FGF13: variants seen among roughly 807,000 people sequenced by gnomAD.
FGF13 encodes fibroblast growth factor homologous factor 2.
In FGF13, 2 loss-of-function variants were observed where a neutral mutation model predicts 19.5. The ratio of observed to expected loss-of-function variants is 0.10; its 90% confidence interval spans 0.04 to 0.32. The LOEUF (loss-of-function observed/expected upper bound fraction) is 0.32. Ranked by LOEUF, FGF13 falls within the 10% of genes least tolerant of loss-of-function variation. The pLI is 1.00. For synonymous variants in FGF13, 72 were observed against 76.9 expected (o/e 0.94, Z 0.33); for missense variants, 113 against 192.7 (o/e 0.59, Z 2.45).
At chrX:138,819,882 T>C (rs147986600) in intron 3 of FGF13, among the ~76,000 whole-genome samples, 65 of 111,874 alleles carry the variant, frequency 5.8e-4, no homozygotes, top group African/African-American at 2.1e-3. Context: ...TGGAATATTG[T>C]GATTTGCACT....
chrX:138,640,485 G>A (rs765271610), intron 3 of FGF13, among the ~76,000 whole-genome samples: 2 of 112,094 alleles, frequency 1.8e-5, no homozygotes, highest in Admixed American at 1.9e-4. Context: ...CCCTGGCACC[G>A]AGGGCAAAGT....
chrX:138,723,973 C>T (rs1268459016), intron 1 of FGF13, among the ~76,000 whole-genome samples: 1 of 111,299 alleles, frequency 9.0e-6, no homozygotes, highest in African/African-American at 3.3e-5. Context: ...AATTAAGGCC[C>T]AGAGAAGTTG....
upstream of FGF13, among the ~76,000 whole-genome samples, chrX:139,204,764 C>G: frequency 8.8e-6 from 1 of 113,112 alleles, no homozygotes; most frequent in Non-Finnish European, 1.9e-5. Flanking sequence ...CCTGTTACAC[C>G]GCAGAGTCGC....
At chrX:138,686,535 T>G (rs978417393) in intron 3 of FGF13, among the ~76,000 whole-genome samples, 7 of 111,892 alleles carry the variant, frequency 6.3e-5, no homozygotes, top group African/African-American at 1.9e-4. Context: ...TATTAATACA[T>G]GTTATTTATT....
intron 1 of FGF13, among the ~76,000 whole-genome samples, chrX:139,171,491 C>T (rs749406143): frequency 5.9e-4 from 66 of 111,633 alleles, no homozygotes; most frequent in Non-Finnish European, 1.0e-3. Context: ...ACTGTATGCT[C>T]TTAGGCTATA....
At chrX:139,036,688 A>C (rs922914647) in intron 1 of FGF13, among the ~76,000 whole-genome samples, 4 of 111,311 alleles carry the variant, frequency 3.6e-5, no homozygotes, top group African/African-American at 1.3e-4. Flanking sequence ...GGCAATTTAC[A>C]AAAGAAAGAA....
chrX:138,793,310 C>T (rs780946203), intron 3 of FGF13, among the ~76,000 whole-genome samples: 5 of 111,988 alleles, frequency 4.5e-5, no homozygotes, highest in East Asian at 2.8e-4. Flanking sequence ...GAAACTACTA[C>T]GTGCTCTGAG....
At chrX:138,905,598 T>C (rs1370622071) in intron 1 of FGF13, among the ~76,000 whole-genome samples, 4 of 112,074 alleles carry the variant, frequency 3.6e-5, no homozygotes, top group African/African-American at 1.3e-4. Context: ...GATTTTGTGG[T>C]CTGATGTATT....
chrX:138,969,954 G>C (rs1032335289), intron 1 of FGF13, among the ~76,000 whole-genome samples: 12 of 111,871 alleles, frequency 1.1e-4, no homozygotes, highest in Non-Finnish European at 2.1e-4. Flanking sequence ...AAGCTATAGA[G>C]AATTGAGTGT....
At chrX:139,112,580 G>T (rs1004977222) in intron 1 of FGF13, among the ~76,000 whole-genome samples, 1 of 111,709 alleles carries the variant, frequency 9.0e-6, no homozygotes, top group Non-Finnish European at 1.9e-5. Flanking sequence ...CAAGACCTTA[G>T]GCCCTGGATC....
At chrX:138,837,071 A>T (rs2091117990) in intron 3 of FGF13, among the ~76,000 whole-genome samples, 1 of 111,648 alleles carries the variant, frequency 9.0e-6, no homozygotes, top group Non-Finnish European at 1.9e-5. Flanking sequence ...GGAGGTATGG[A>T]CCTGTTGCCA....
intron 1 of FGF13, among the ~76,000 whole-genome samples, chrX:139,103,371 G>C (rs1417651283): frequency 1.8e-5 from 2 of 112,296 alleles, no homozygotes; most frequent in Non-Finnish European, 3.8e-5. Flanking sequence ...ACTGATACGT[G>C]CTACATGTGA....
chrX:139,049,925 C>T (rs1191797630), intron 1 of FGF13, among the ~76,000 whole-genome samples: 1 of 112,429 alleles, frequency 8.9e-6, no homozygotes, highest in Non-Finnish European at 1.9e-5. Flanking sequence ...AGTCAATTAA[C>T]ATCTTCTTCC....
chrX:138,980,404 A>G (rs2091958575), intron 1 of FGF13, among the ~76,000 whole-genome samples: 1 of 112,040 alleles, frequency 8.9e-6, no homozygotes, highest in Non-Finnish European at 1.9e-5. Context: ...CAAAAAGAAT[A>G]TACTACTTCA....
intron 1 of FGF13, among the ~76,000 whole-genome samples, chrX:139,172,832 T>G (rs1256731506): frequency 8.9e-6 from 1 of 111,760 alleles, no homozygotes; most frequent in Non-Finnish European, 1.9e-5. Flanking sequence ...ATGATGCTTT[T>G]TATATCCTGA....
At chrX:138,867,035 G>A (rs1218083123) in intron 1 of FGF13, among the ~76,000 whole-genome samples, 1 of 111,451 alleles carries the variant, frequency 9.0e-6, no homozygotes, top group South Asian at 3.8e-4. Flanking sequence ...GAATCTCGAC[G>A]TTTAATTCCT....
intron 3 of FGF13, among the ~76,000 whole-genome samples, chrX:138,656,297 G>C (rs17538969): frequency 0.034 from 3,814 of 111,512 alleles, 66 homozygotes; most frequent in Non-Finnish European, 0.052. Flanking sequence ...CATAATAATG[G>C]ATATTTAATA....
chrX:138,946,567 G>A (rs1248152955), intron 1 of FGF13, among the ~76,000 whole-genome samples: 2 of 111,782 alleles, frequency 1.8e-5, no homozygotes, highest in African/African-American at 6.5e-5. Context: ...TATGGAAAGT[G>A]GATATAACAA....
rs180929246 is a variant in FGF13, at chrX:138,959,559, C to T, written c.-112-94909G>A. Reference sequence around the variant, plus strand: ...GGTCTGGTTGGTGCAGAGCTGAGTTCACGTCCTGGATATTCTTGTTAATCT... The same window carrying T: ...GGTCTGGTTGGTGCAGAGCTGAGTTTACGTCCTGGATATTCTTGTTAATCT... On this transcript the variant is annotated intron_variant, in intron 1 of 2. Coordinates refer to the FGF13 transcript ENST00000421460. Among the ~76,000 whole-genome samples, 5 of 111,259 alleles carry T rather than the reference C, an allele frequency of 4.5e-5. No homozygotes were observed. In the East Asian group the frequency reaches 1.1e-3, roughly 25 times the overall value.
Sources: allele counts gnomAD v4.1 joint callset (sites outside exome capture counted in the v4.1 genomes callset), GRCh38; gene constraint gnomAD v4.1.1; transcripts MANE v1.5; gene names NCBI Gene and HGNC (gene_info 2026-07-23, HGNC 2026-07-21).